CAST: variants seen among roughly 807,000 people sequenced by gnomAD.
CAST encodes the protein MIR583 host.
A neutral mutation model predicts 119.6 loss-of-function variants in CAST; 76 were observed. The ratio of observed to expected loss-of-function variants is 0.64; its 90% CI spans 0.53 to 0.77. CAST has a LOEUF of 0.77. Among genes scored for constraint, CAST ranks in the 30% least tolerant of loss-of-function variants. CAST has a pLI of 0.00. For synonymous variants in CAST, 319 were observed against 331.6 expected, an observed-to-expected ratio of 0.96 and a Z score of 0.41; for missense variants, 953 against 946.5, an observed-to-expected ratio of 1.01 and a Z score of -0.09.
the CAST span, among the ~76,000 whole-genome samples, chr5:96,054,426 G>A: frequency 6.6e-6 from 1 of 151,712 alleles, no homozygotes; most frequent in Admixed American, 6.6e-5. Context: ...GCTTGTCCTG[G>A]GAGTTTTTCC....
At chr5:96,309,787 T>C in the CAST span, among the ~76,000 whole-genome samples, 3 of 152,246 alleles carry the variant, frequency 2.0e-5, no homozygotes, top group African/African-American at 7.2e-5. Flanking sequence ...CTACACCCAC[T>C]GTCCAACCAG....
chr5:96,414,488 A>G, the CAST span, among the ~76,000 whole-genome samples: 2 of 152,206 alleles, frequency 1.3e-5, no homozygotes, highest in Admixed American at 1.3e-4. Context: ...GTTAACCACC[A>G]GGATACACTG....
chr5:96,407,448 T>C, the CAST span, among the ~76,000 whole-genome samples: 1 of 152,232 alleles, frequency 6.6e-6, no homozygotes, highest in Non-Finnish European at 1.5e-5. Context: ...AAAGTAGTTT[T>C]GACAAGGGTT....
chr5:96,197,701 A>G, the CAST span, among the ~76,000 whole-genome samples: 1 of 152,162 alleles, frequency 6.6e-6, no homozygotes, highest in Non-Finnish European at 1.5e-5. Flanking sequence ...CCCTTCACAA[A>G]TGAGAAAACT....
At chr5:96,156,322 A>G in the CAST span, among the ~76,000 whole-genome samples, 1 of 152,292 alleles carries the variant, frequency 6.6e-6, no homozygotes, top group South Asian at 2.1e-4. Context: ...TGGGCAGCAC[A>G]TTATTTTTTT....
the CAST span, chr5:96,394,960 A>C: frequency 6.2e-7 from 1 of 1,614,030 alleles, no homozygotes; most frequent in Non-Finnish European, 8.5e-7. Context: ...GCTCTGGCTG[A>C]GAAGAGGTCC....
At chr5:96,373,292 G>A in the CAST span, among the ~76,000 whole-genome samples, 1 of 152,144 alleles carries the variant, frequency 6.6e-6, no homozygotes, top group African/African-American at 2.4e-5. Context: ...GGGCACCAAG[G>A]GATTGTTTAT....
intron 2 of CAST, among the ~76,000 whole-genome samples, chr5:96,681,069 G>T (rs1243293755): frequency 6.6e-6 from 1 of 152,256 alleles, no homozygotes; most frequent in East Asian, 1.9e-4. Flanking sequence ...ACTCTGGGAA[G>T]TTACAAGATT....
the CAST span, among the ~76,000 whole-genome samples, chr5:96,424,949 G>A: frequency 8.4e-6 from 1 of 118,982 alleles, no homozygotes; most frequent in South Asian, 2.9e-4. Flanking sequence ...GGCAACAAGA[G>A]CAAAACTCTG....
intron 16 of CAST, among the ~76,000 whole-genome samples, chr5:96,743,901 C>T (rs528582426): frequency 6.6e-6 from 1 of 152,216 alleles, no homozygotes; most frequent in South Asian, 2.1e-4. Context: ...GTGGCTTTAC[C>T]ACCTGAGGGC....
intron 2 of CAST, among the ~76,000 whole-genome samples, chr5:96,676,771 T>G (rs952070482): frequency 3.3e-5 from 5 of 151,300 alleles, no homozygotes; most frequent in Non-Finnish European, 7.4e-5. Flanking sequence ...CTACCTAGTG[T>G]CAGCCAGGCA....
intron 1 of CAST, among the ~76,000 whole-genome samples, chr5:96,640,942 G>A (rs1747942434): frequency 6.6e-6 from 1 of 152,132 alleles, no homozygotes; most frequent in African/African-American, 2.4e-5. Context: ...GGCTTATCAT[G>A]TCCATCACAC....
the CAST span, among the ~76,000 whole-genome samples, chr5:96,507,563 T>G: frequency 2.0e-5 from 3 of 152,158 alleles, no homozygotes; most frequent in Non-Finnish European, 4.4e-5. Context: ...TTGAGCCCTT[T>G]CTGAATATTA....
intron 1 of CAST, among the ~76,000 whole-genome samples, chr5:96,620,111 C>G (rs1359990655): frequency 1.3e-5 from 2 of 152,166 alleles, no homozygotes; most frequent in African/African-American, 4.8e-5. Flanking sequence ...CTGTTATGAC[C>G]GGAAGGCCAG....
At chr5:96,060,450 G>T in the CAST span, among the ~76,000 whole-genome samples, 1 of 152,042 alleles carries the variant, frequency 6.6e-6, no homozygotes, top group African/African-American at 2.4e-5. Context: ...CTATTGGTTT[G>T]GGGCATGCTG....
chr5:96,352,239 G>A, the CAST span, among the ~76,000 whole-genome samples: 1 of 152,176 alleles, frequency 6.6e-6, no homozygotes, highest in African/African-American at 2.4e-5. Context: ...AGTGAAATGT[G>A]TAAAGTGAAT....
intron 1 of CAST, among the ~76,000 whole-genome samples, chr5:96,656,172 T>C (rs1392569098): frequency 6.6e-6 from 1 of 152,240 alleles, no homozygotes; most frequent in African/African-American, 2.4e-5. Flanking sequence ...AAAATGTATT[T>C]CTTACTGAGG....
At chr5:96,534,746 A>G (rs1561408860) in intron 1 of CAST, among the ~76,000 whole-genome samples, 1,548 of 16,008 alleles carry the variant, frequency 0.097, no homozygotes, top group East Asian at 0.26. Flanking sequence ...AGAGAGAAAG[A>G]AAGAAAGAAA....
At chr5:96,035,509 G>A in the CAST span, among the ~76,000 whole-genome samples, 3 of 151,876 alleles carry the variant, frequency 2.0e-5, no homozygotes, top group African/African-American at 7.3e-5. Context: ...CTGGGAATCT[G>A]TATTTTTAAC....
Sources: allele counts gnomAD v4.1 joint callset (sites outside exome capture counted in the v4.1 genomes callset), GRCh38; gene constraint gnomAD v4.1.1; transcripts MANE v1.5; gene names NCBI Gene and HGNC (gene_info 2026-07-23, HGNC 2026-07-21).